Variants in KRT8 observed in about 807,000 individuals in gnomAD.
The protein encoded by KRT8 is keratin, type II cytoskeletal 8.
In KRT8, 24 loss-of-function variants were observed where a neutral mutation model predicts 43.0. The ratio of observed to expected loss-of-function variants is 0.56; its 90% CI spans 0.40 to 0.78. The LOEUF (loss-of-function observed/expected upper bound fraction) is 0.78. KRT8 is among the 30% of genes least tolerant of loss of function. The pLI, the probability that KRT8 is intolerant of heterozygous loss-of-function variation, is 0.00. For synonymous variants in KRT8, 214 were observed against 261.2 expected (o/e 0.82, Z 1.74); for missense variants, 492 against 638.4 (o/e 0.77, Z 2.47).
chr12:52,910,145 G>T (rs1186977192), upstream of KRT8, among the ~76,000 whole-genome samples: 1 of 152,152 alleles, frequency 6.6e-6, no homozygotes, highest in Non-Finnish European at 1.5e-5. Flanking sequence ...CACTGGGTGA[G>T]CATGAAGCCT....
chr12:52,943,705 C>T (rs1236576771), intron 2 of KRT8, among the ~76,000 whole-genome samples: 16 of 152,200 alleles, frequency 1.1e-4, no homozygotes, highest in Admixed American at 1.0e-3. Flanking sequence ...TGTGTAAAGG[C>T]CCCGCAGGTT....
chr12:52,900,753 TC>T, intron 3 of KRT8, 70 bp from the exon 4 acceptor site: 2 of 1,039,488 alleles, frequency 1.9e-6, no homozygotes, highest in Non-Finnish European at 3.0e-6. Context: ...GCTCCCAAGG[TC>T]CACCCAATGG....
chr12:52,937,405 G>C (rs1436896128), intron 2 of KRT8, among the ~76,000 whole-genome samples: 1 of 149,740 alleles, frequency 6.7e-6, no homozygotes, highest in Non-Finnish European at 1.5e-5. Flanking sequence ...GATACAGATG[G>C]GGCAGGGTGC....
Position 52,904,643 on chromosome 12 carries a change from AG to A in KRT8, c.324+14del. The A allele has an allele frequency of 6.2e-7, 1 of 1,611,128 alleles. No individual in the cohort carries two copies. Among genetic ancestry groups the A allele is most frequent in the Non-Finnish European group, 8.5e-7 (1 of 1,178,956 alleles). The stretch of plus-strand genomic sequence containing the variant: ...GGGCTGCGGGCACAGTCAGCCACGC[AG>A]GGGGGACCCTCACCTTGTCTATGAA... On this transcript the variant is annotated intron_variant, in intron 1 of 7. Coordinates refer to ENST00000692008, the Ensembl canonical transcript of KRT8.
At chr12:52,902,018 G>C in exon 2 of KRT8, 1 of 1,603,482 alleles carries the variant, frequency 6.2e-7, no homozygotes. Flanking sequence ...TTCTGCTGCT[G>C]CAGGAGGCTC....
chr12:52,947,248 C>T (rs1312637733), intron 2 of KRT8: 3 of 152,330 alleles, frequency 2.0e-5, no homozygotes, highest in Non-Finnish European at 4.4e-5. Flanking sequence ...CCATCCTTCT[C>T]ACACAGAGGC....
chr12:52,907,226 A>C (rs1354524282), upstream of KRT8, among the ~76,000 whole-genome samples: 3 of 151,804 alleles, frequency 2.0e-5, no homozygotes, highest in African/African-American at 7.3e-5. Context: ...AAGGCATGCT[A>C]CCCCCTCCCC....
intron 2 of KRT8, among the ~76,000 whole-genome samples, chr12:52,913,217 C>A (rs546064202): frequency 6.6e-6 from 1 of 152,134 alleles, no homozygotes; most frequent in Non-Finnish European, 1.5e-5. Context: ...GCCAGCCCTG[C>A]CCACCCCATC....
intron 1 of KRT8, among the ~76,000 whole-genome samples, chr12:52,904,146 G>A (rs183015241): frequency 6.6e-5 from 10 of 151,776 alleles, no homozygotes; most frequent in Non-Finnish European, 8.8e-5. Flanking sequence ...AGAAAAGAAA[G>A]AAAAAAAATC....
chr12:52,942,257 C>T (rs568409076), intron 2 of KRT8, among the ~76,000 whole-genome samples: 7 of 152,216 alleles, frequency 4.6e-5, no homozygotes, highest in African/African-American at 1.7e-4. Context: ...TGCAACAAAC[C>T]GATAAGGAAG....
intron 2 of KRT8, among the ~76,000 whole-genome samples, chr12:52,917,068 G>A (rs76561140): frequency 8.8e-4 from 134 of 152,258 alleles, no homozygotes; most frequent in African/African-American, 3.2e-3. Flanking sequence ...TGTAATCAAG[G>A]ACTTCCCAAA....
rs534632823 is a variant in KRT8 at position 52,940,651 on chromosome 12, A to C, written c.-47+8805T>G. ...TTTTTTTTTTTTTTTTTTGAGACGA[A>C]GTCTCCCTCTGTGGCCCAGGCTGGA... On this transcript the variant is annotated intron_variant, in intron 2 of 6. Coordinates refer to the KRT8 transcript ENST00000546826. 3.0e-4 allele frequency among the ~76,000 whole-genome samples: 44 copies of C among 147,180 alleles called. No individual in the cohort carries two copies. In the East Asian group the frequency reaches 8.3e-3, roughly 28 times the overall value.
chr12:52,908,032 T>G (rs2120599931), upstream of KRT8, among the ~76,000 whole-genome samples: 1 of 151,952 alleles, frequency 6.6e-6, no homozygotes, highest in Non-Finnish European at 1.5e-5. Context: ...TCCTGGAGAG[T>G]GAACCAGGGA....
upstream of KRT8, among the ~76,000 whole-genome samples, chr12:52,909,299 GA>G (rs543376800): frequency 6.6e-6 from 1 of 152,304 alleles, no homozygotes; most frequent in South Asian, 2.1e-4. Context: ...GGCAATGCCC[GA>G]AAAGCACCCG....
rs572854941 is a variant in KRT8 at position 52,929,864 on chromosome 12, C to T, written c.-47+19592G>A. 6.6e-5 allele frequency among the ~76,000 whole-genome samples: 10 copies of T among 152,292 alleles called. No homozygotes were observed. In the South Asian group the frequency reaches 1.0e-3, roughly 16 times the overall value. On this transcript the variant is annotated intron_variant, in intron 2 of 6. Transcript: ENST00000546826. ...CAGATCAACATCTCCAGACTCTCCTCGGAGCTACAGACCCAAGTTTCTAAT... is the reference window on the plus strand; with the variant it reads ...CAGATCAACATCTCCAGACTCTCCTTGGAGCTACAGACCCAAGTTTCTAAT...
intron 2 of KRT8, among the ~76,000 whole-genome samples, chr12:52,918,049 A>AGAAGAT (rs1182860119): frequency 1.4e-5 from 2 of 141,882 alleles, no homozygotes; most frequent in Non-Finnish European, 3.1e-5. Flanking sequence ...AAGAAGAAGA[A>AGAAGAT]GAGGAAGAAG....
At chr12:52,908,822 T>A (rs1941575234), upstream of KRT8, among the ~76,000 whole-genome samples, 1 of 152,046 alleles carries the variant, frequency 6.6e-6, no homozygotes, top group Non-Finnish European at 1.5e-5. Context: ...CTGAGCAACA[T>A]AATGAGACCC....
chr12:52,948,948 G>T, intron 2 of KRT8: 1 of 444,558 alleles, frequency 2.2e-6, no homozygotes, highest in Non-Finnish European at 3.9e-6. Flanking sequence ...GGTGAGCGGG[G>T]CTTGGCAGGG....
At chr12:52,902,229 C>A (rs1941390443) in intron 1 of KRT8, 157 bp from the exon 2 acceptor site, 6 of 632,754 alleles carry the variant, frequency 9.5e-6, no homozygotes, top group African/African-American at 1.8e-5. Flanking sequence ...CACCTATGAC[C>A]AGGGGGAGAA....
Sources: allele counts gnomAD v4.1 joint callset (sites outside exome capture counted in the v4.1 genomes callset), GRCh38; gene constraint gnomAD v4.1.1; transcripts MANE v1.5; gene names NCBI Gene and HGNC (gene_info 2026-07-23, HGNC 2026-07-21).